The following PDE1C variants were observed in gnomAD, a reference collection of about 807,000 sequenced individuals.
PDE1C encodes the protein phosphodiesterase 1C.
In PDE1C, 62 loss-of-function variants were observed where a neutral mutation model predicts 93.1. The ratio of observed to expected loss-of-function variants is 0.67; its 90% confidence interval spans 0.54 to 0.82. The LOEUF is 0.82. PDE1C is among the 40% of genes least tolerant of loss of function. The pLI, the probability that PDE1C is intolerant of heterozygous loss-of-function variation, is 0.00. For synonymous variants in PDE1C, 325 were observed against 310.1 expected (o/e 1.05, Z -0.50); for missense variants, 742 against 884.6 (o/e 0.84, Z 2.04).
intron 1 of PDE1C, among the ~76,000 whole-genome samples, chr7:32,349,452 A>C (rs945872491): frequency 6.6e-6 from 1 of 152,178 alleles, no homozygotes; most frequent in African/African-American, 2.4e-5. Context: ...CTGGTCCTAA[A>C]AGGGAGGTCC....
chr7:31,910,096 T>C (rs1395391593), intron 2 of PDE1C, among the ~76,000 whole-genome samples: 1 of 152,190 alleles, frequency 6.6e-6, no homozygotes, highest in Non-Finnish European at 1.5e-5. Context: ...ATGCAATATA[T>C]ATTTTTCCCT....
At chr7:31,961,471 G>C (rs1156271127) in intron 2 of PDE1C, among the ~76,000 whole-genome samples, 1 of 152,060 alleles carries the variant, frequency 6.6e-6, no homozygotes, top group African/African-American at 2.4e-5. Context: ...TGTAGTATCA[G>C]AGTGTGTGAG....
chr7:32,051,663 G>T (rs1030668605), intron 1 of PDE1C, 83 bp from the exon 2 acceptor site: 2 of 1,129,640 alleles, frequency 1.8e-6, no homozygotes, highest in Non-Finnish European at 2.7e-6. Flanking sequence ...GTGGGGATGG[G>T]CATGGGGGTC....
At chr7:31,845,138 A>G (rs1792397982) in intron 9 of PDE1C, among the ~76,000 whole-genome samples, 1 of 152,066 alleles carries the variant, frequency 6.6e-6, no homozygotes, top group African/African-American at 2.4e-5. Context: ...GTTGTTTTCT[A>G]TTACCTGAAA....
At chr7:31,867,274 C>A (rs920567235) in intron 6 of PDE1C, among the ~76,000 whole-genome samples, 1 of 152,098 alleles carries the variant, frequency 6.6e-6, no homozygotes, top group Non-Finnish European at 1.5e-5. Flanking sequence ...ATGACCAAAG[C>A]ACAAGTGAAG....
At chr7:32,127,286 ATC>A (rs1799643693) in intron 3 of PDE1C, among the ~76,000 whole-genome samples, 1 of 151,974 alleles carries the variant, frequency 6.6e-6, no homozygotes, top group Admixed American at 6.6e-5. Context: ...TTTATAATAA[ATC>A]TCTTTCTATA....
At chr7:32,231,738 G>A (rs1414933577) in intron 1 of PDE1C, among the ~76,000 whole-genome samples, 2 of 152,144 alleles carry the variant, frequency 1.3e-5, no homozygotes, top group African/African-American at 2.4e-5. Flanking sequence ...TAAAATGTTA[G>A]CAAGCTGAAT....
chr7:32,251,002 T>G (rs1405917124), intron 1 of PDE1C, among the ~76,000 whole-genome samples: 1 of 152,200 alleles, frequency 6.6e-6, no homozygotes, highest in Non-Finnish European at 1.5e-5. Flanking sequence ...AGTCAGGAGC[T>G]CTAGTGAAGC....
chr7:32,195,033 C>T (rs1584939001), intron 2 of PDE1C, among the ~76,000 whole-genome samples: 1 of 152,154 alleles, frequency 6.6e-6, no homozygotes, highest in African/African-American at 2.4e-5. Context: ...ATGTGGAAAC[C>T]TTACCTCCCT....
chr7:32,304,577 G>A lies in PDE1C; in HGVS notation c.311-95038C>T, dbSNP rs1415873777. Among the ~76,000 whole-genome samples, 48 of 152,104 alleles carry A rather than the reference G, an allele frequency of 3.2e-4. 1 individual carries two copies. The highest frequency in any genetic ancestry group is 3.1e-3 in the Admixed American group (48 of 15,288). The stretch of plus-strand genomic sequence containing the variant: ...TAAAATTAATAAAATGAAACAAAAA[G>A]CTCCTCTTTTTGTTTCCTCAAAACA... On this transcript the variant is annotated intron_variant, in intron 1 of 1. Coordinates refer to the PDE1C transcript ENST00000672256.
intron 2 of PDE1C, among the ~76,000 whole-genome samples, chr7:31,959,651 A>G (rs1808642468): frequency 6.6e-6 from 1 of 152,226 alleles, no homozygotes; most frequent in Middle Eastern, 3.2e-3. Context: ...ATATCATGAT[A>G]GGGTGATCAA....
intron 2 of PDE1C, among the ~76,000 whole-genome samples, chr7:32,003,967 G>T (rs1160402179): frequency 6.6e-6 from 1 of 152,168 alleles, no homozygotes; most frequent in Non-Finnish European, 1.5e-5. Flanking sequence ...GGTGAAATGT[G>T]AATGATGAGA....
intron 16 of PDE1C, chr7:31,785,953 A>AG (rs1292273605): frequency 6.6e-6 from 1 of 152,230 alleles, no homozygotes; most frequent in East Asian, 1.9e-4. Context: ...AGTGATAATG[A>AG]GGCCTTTAAT....
chr7:32,157,255 G>A (rs1801630319), intron 3 of PDE1C, among the ~76,000 whole-genome samples: 1 of 152,130 alleles, frequency 6.6e-6, no homozygotes, highest in Non-Finnish European at 1.5e-5. Flanking sequence ...GAAGGAATAA[G>A]TTCTAGTATT....
At chr7:31,640,932 T>G in the PDE1C span, among the ~76,000 whole-genome samples, 1 of 152,186 alleles carries the variant, frequency 6.6e-6, no homozygotes, top group Non-Finnish European at 1.5e-5. Flanking sequence ...GAGGCTGAAT[T>G]AAAGAGTGTG....
Position 32,185,239 on chromosome 7 carries a change from CTG to C in PDE1C, c.137-15285_137-15284del, listed in dbSNP as rs1256688005. On this transcript the variant is annotated intron_variant, in intron 2 of 18. Transcript: ENST00000396193. ...CAGCCTGGGCAACAAGAGCAAAACT[CTG>C]TCTCAGAAAAAAAAAAAAAAAAAAA... Among the ~76,000 whole-genome samples, 9 of 126,724 alleles carry C rather than the reference CTG, an allele frequency of 7.1e-5. No homozygotes were observed. In the East Asian group the frequency reaches 2.0e-3, roughly 28 times the overall value. The allele number at this position is 126,724 out of a possible 152,430, so 83.1% of individuals were successfully genotyped here.
At chr7:32,188,645 G>T (rs1804036692) in intron 2 of PDE1C, among the ~76,000 whole-genome samples, 1 of 152,096 alleles carries the variant, frequency 6.6e-6, no homozygotes, top group Admixed American at 6.6e-5. Flanking sequence ...TTCTTTGGGG[G>T]AATGCAAAGT....
At position 32,204,738 on chromosome 7, in the gene PDE1C, C is replaced by CA. The variant is rs1445340517; in HGVS notation, c.136+4750dup. On this transcript the variant is annotated intron_variant, in intron 2 of 18. Transcript: ENST00000396193. Reference sequence around the variant, plus strand: ...TACCTATTATCCCCATTCAGACCCTCAAGCCTCAGCTAATGCTCACTTTCT... The same window carrying CA: ...TACCTATTATCCCCATTCAGACCCTCAAAGCCTCAGCTAATGCTCACTTTCT... 3.3e-5 allele frequency among the ~76,000 whole-genome samples: 5 copies of CA among 152,326 alleles called. No homozygotes were observed. The East Asian group carries it at 7.7e-4, about 24-fold the overall frequency.
At chr7:31,831,219 G>T (rs922556853) in intron 11 of PDE1C, among the ~76,000 whole-genome samples, 1 of 152,274 alleles carries the variant, frequency 6.6e-6, no homozygotes, top group East Asian at 1.9e-4. Context: ...TATGAGAAAG[G>T]CATTGTGATG....
Sources: gnomAD v4.1 joint callset for allele counts (sites outside exome capture counted in the v4.1 genomes callset) on GRCh38, gnomAD v4.1.1 for gene constraint, MANE v1.5 for transcripts, NCBI Gene and HGNC (gene_info 2026-07-23, HGNC 2026-07-21) for gene names.